ZNF248: variants seen among roughly 807,000 people sequenced by gnomAD.
The protein encoded by ZNF248 is KRAB protein domain.
Under a neutral mutation model 44.3 loss-of-function variants are expected in ZNF248, and 20 were observed. The ratio of observed to expected loss-of-function variants is 0.45; its 90% CI spans 0.32 to 0.66. The LOEUF is 0.66. ZNF248 is among the 30% of genes least tolerant of loss of function. The probability of loss-of-function intolerance (pLI) is 0.04; values close to 1 mark genes in which losing one functional copy is unlikely to be tolerated. For missense variants in ZNF248, 654 were observed against 677.0 expected (o/e 0.97, Z 0.38); for synonymous variants, 224 against 229.0 (o/e 0.98, Z 0.20).
At chr10:37,780,662 G>A (rs1044144775) in intron 6 of ZNF248, among the ~76,000 whole-genome samples, 34 of 152,144 alleles carry the variant, frequency 2.2e-4, no homozygotes, top group Non-Finnish European at 4.9e-4. Context: ...CAAAGCTCGC[G>A]CCCTTCCAGG....
chr10:37,791,993 C>T (rs928688343), intron 6 of ZNF248: 4 of 152,238 alleles, frequency 2.6e-5, no homozygotes, highest in Non-Finnish European at 4.4e-5. Flanking sequence ...AGCTGGGATA[C>T]TCTCTTGCAG....
intron 6 of ZNF248, among the ~76,000 whole-genome samples, chr10:37,778,180 C>T (rs1479463343): frequency 6.6e-6 from 1 of 152,056 alleles, no homozygotes; most frequent in Non-Finnish European, 1.5e-5. Flanking sequence ...TATTTCTCCA[C>T]ATCTTCTCCA....
At chr10:37,788,032 G>C (rs1387657167) in intron 6 of ZNF248, among the ~76,000 whole-genome samples, 7 of 152,018 alleles carry the variant, frequency 4.6e-5, no homozygotes, top group Non-Finnish European at 7.4e-5. Context: ...ACTTTGGGAG[G>C]CTGAGGCGGG....
the ZNF248 span, among the ~76,000 whole-genome samples, chr10:37,768,666 G>C: frequency 6.6e-6 from 1 of 152,126 alleles, no homozygotes; most frequent in East Asian, 1.9e-4. Flanking sequence ...ACAAGAGAAA[G>C]GAGGAAAGAT....
At chr10:37,793,694 T>A (rs183916018) in intron 6 of ZNF248, among the ~76,000 whole-genome samples, 1 of 152,198 alleles carries the variant, frequency 6.6e-6, no homozygotes, top group Admixed American at 6.5e-5. Context: ...AACATATGCA[T>A]ATAGATCTCA....
At chr10:37,824,673 A>ATTTTTT (rs755411927), downstream of ZNF248, among the ~76,000 whole-genome samples, 3,026 of 79,358 alleles carry the variant, frequency 0.038, 830 homozygotes, top group African/African-American at 0.11. Flanking sequence ...ATTATTTTAA[A>ATTTTTT]TTTTTTTTTT....
intron 3 of ZNF248, among the ~76,000 whole-genome samples, chr10:37,848,395 C>T (rs1239906493): frequency 1.3e-5 from 2 of 151,814 alleles, no homozygotes; most frequent in Non-Finnish European, 2.9e-5. Flanking sequence ...AACAGCCTGG[C>T]AACATGGGGA....
chr10:37,821,011 TA>T, intron 6 of ZNF248: 1 of 1,371,694 alleles, frequency 7.3e-7, no homozygotes, highest in Non-Finnish European at 1.0e-6. Flanking sequence ...CTCCCGAGAC[TA>T]AAGGTGCTCT....
At chr10:37,834,419 A>C (rs2133984727) in intron 5 of ZNF248, among the ~76,000 whole-genome samples, 1 of 152,310 alleles carries the variant, frequency 6.6e-6, no homozygotes, top group Non-Finnish European at 1.5e-5. Flanking sequence ...TAATACACGA[A>C]GACAAAATAT....
intron 3 of ZNF248, among the ~76,000 whole-genome samples, chr10:37,855,696 T>G (rs867861494): frequency 6.6e-6 from 1 of 152,208 alleles, no homozygotes; most frequent in African/African-American, 2.4e-5. Context: ...GGCAAAAACA[T>G]GCACTAGCCT....
At chr10:37,805,833 A>G (rs546956492) in intron 6 of ZNF248, among the ~76,000 whole-genome samples, 1 of 152,338 alleles carries the variant, frequency 6.6e-6, no homozygotes, top group East Asian at 1.9e-4. Context: ...AGCATATTAT[A>G]TATATAGATA....
chr10:37,824,179 T>C (rs908254025), downstream of ZNF248, among the ~76,000 whole-genome samples: 1 of 152,140 alleles, frequency 6.6e-6, no homozygotes, highest in Non-Finnish European at 1.5e-5. Flanking sequence ...AATGTTTCAA[T>C]TGAGTCTAAA....
chr10:37,778,725 A>C (rs1426462862), intron 6 of ZNF248, among the ~76,000 whole-genome samples: 1 of 152,162 alleles, frequency 6.6e-6, no homozygotes, highest in African/African-American at 2.4e-5. Context: ...TAATGAATCC[A>C]GGAGCTGGTT....
At chr10:37,818,938 AT>A in intron 6 of ZNF248, 1 of 1,106,828 alleles carries the variant, frequency 9.0e-7, no homozygotes, top group Non-Finnish European at 1.4e-6. Context: ...CCACACAACA[AT>A]TTTATTTGAG....
At chr10:37,837,857 C>G (rs2057535744) in intron 4 of ZNF248, 128 bp downstream of exon 4, 1 of 1,411,902 alleles carries the variant, frequency 7.1e-7, no homozygotes, top group South Asian at 1.3e-5. Flanking sequence ...GCAAGAGCAC[C>G]TTTATGGTGG....
Position 37,831,849 on chromosome 10 carries a change from A to G in ZNF248, c.1506T>C (p.Cys502=), listed in dbSNP as rs1242477090. 6.2e-7 allele frequency: 1 copy of G among 1,613,964 alleles called. No homozygotes were observed. The highest frequency in any genetic ancestry group is 1.1e-5 in the South Asian group (1 of 91,084). ...GATGTACAATGAGGTTTGACTTCAC[A>G]CAGAAGGATTTTCCACATTCATTAC... ...FICNECGKSF[C]VKSNLIVHQR... The change falls in exon 6 of 6, where the codon TGT becomes TGC. Residue 502 remains cysteine (C), a synonymous_variant. Coordinates refer to ENST00000395867, the MANE Select transcript of ZNF248 (RefSeq NM_021045.3).
the ZNF248 span, among the ~76,000 whole-genome samples, chr10:37,762,535 G>A: frequency 2.0e-5 from 3 of 152,188 alleles, no homozygotes; most frequent in African/African-American, 4.8e-5. Flanking sequence ...CTGAGAATCT[G>A]TTTTTCAATG....
chr10:37,820,995 G>A, intron 6 of ZNF248: 1 of 1,534,696 alleles, frequency 6.5e-7, no homozygotes, highest in Non-Finnish European at 9.0e-7. Flanking sequence ...CTGGCTGGCA[G>A]AGCGTCTCCC....
chr10:37,824,151 C>A (rs892274473), downstream of ZNF248, among the ~76,000 whole-genome samples: 1 of 152,062 alleles, frequency 6.6e-6, no homozygotes, highest in Non-Finnish European at 1.5e-5. Flanking sequence ...GCTGAAGGCT[C>A]AAGACCCAGG....
Sources: allele counts gnomAD v4.1 joint callset (sites outside exome capture counted in the v4.1 genomes callset), GRCh38; gene constraint gnomAD v4.1.1; transcripts MANE v1.5; gene names NCBI Gene and HGNC (gene_info 2026-07-23, HGNC 2026-07-21).